The following CMIP variants were observed in gnomAD, a reference collection of about 807,000 sequenced individuals.
CMIP encodes c-Maf inducing protein.
CMIP carries 13 observed loss-of-function variants against 97.3 expected under a neutral mutation model. The ratio of observed to expected loss-of-function variants is 0.13; its 90% confidence interval spans 0.09 to 0.21. CMIP has a LOEUF of 0.21. CMIP is among the 10% of genes least tolerant of loss of function. CMIP has a pLI of 1.00. For missense variants in CMIP, 847 were observed against 1,024.9 expected (o/e 0.83, Z 2.37); for synonymous variants, 538 against 436.3 (o/e 1.23, Z -2.91).
intron 1 of CMIP, among the ~76,000 whole-genome samples, chr16:81,529,457 A>T (rs540358335): frequency 6.6e-6 from 1 of 152,080 alleles, no homozygotes; most frequent in Non-Finnish European, 1.5e-5. Flanking sequence ...CTTCGAGGAG[A>T]TGGGCTGTGA....
At chr16:81,561,779 A>C (rs867226187) in intron 1 of CMIP, among the ~76,000 whole-genome samples, 1 of 152,224 alleles carries the variant, frequency 6.6e-6, no homozygotes, top group South Asian at 2.1e-4. Flanking sequence ...ATTGGAATTT[A>C]AATTAATTGA....
intron 14 of CMIP, 106 bp from the exon 15 acceptor site, chr16:81,699,579 G>C (rs571412338): frequency 1.4e-6 from 1 of 694,386 alleles, no homozygotes; most frequent in African/African-American, 1.8e-5. Context: ...TCTGGACAGC[G>C]TGTAGGCAGG....
chr16:81,558,595 C>G (rs1314931138), intron 1 of CMIP, among the ~76,000 whole-genome samples: 3 of 152,184 alleles, frequency 2.0e-5, no homozygotes, highest in African/African-American at 7.2e-5. Context: ...GTGGAGACAG[C>G]CTGGCTTGGA....
chr16:81,561,757 G>C (rs986534896), intron 1 of CMIP, among the ~76,000 whole-genome samples: 2 of 152,318 alleles, frequency 1.3e-5, no homozygotes, highest in South Asian at 2.1e-4. Flanking sequence ...TAGCCACTGG[G>C]CATGTGTAGC....
rs1030651924 is a variant in CMIP, at chr16:81,671,980, C to G, written c.944C>G (p.Thr315Arg). Residue 315 changes from threonine to arginine, a missense_variant, in exon 9 of 21, where the codon ACA (threonine) becomes AGA (arginine). Thr to Arg is a moderately conservative substitution (Grantham distance 71, BLOSUM62 -1). Around this residue, in one of 4 missense-constraint regions of CMIP, gnomAD observed 285 missense variants for 392.2 expected, o/e 0.73. Transcript: ENST00000537098. The stretch of plus-strand genomic sequence containing the variant: ...CTTTTTTCCAGCATGCACGGCCCCA[C>G]AGGGCACTGCCCCCACCCCCGGGTC... ...KKFIQSMHGP[T>R]GHCPHPRVLP... is the part of the protein sequence containing the mutation. 4 of 1,588,522 alleles carry G rather than the reference C, an allele frequency of 2.5e-6. No homozygotes were observed. The highest frequency in any genetic ancestry group is 3.4e-6 in the Non-Finnish European group (4 of 1,165,064).
At chr16:81,533,892 C>G (rs1391660571) in intron 1 of CMIP, 2 of 152,316 alleles carry the variant, frequency 1.3e-5, no homozygotes, top group African/African-American at 4.8e-5. Flanking sequence ...CAGTGAACCT[C>G]TCCTGCCCTT....
At chr16:81,687,415 C>G (rs1475269231) in intron 10 of CMIP, among the ~76,000 whole-genome samples, 1 of 152,196 alleles carries the variant, frequency 6.6e-6, no homozygotes, top group African/African-American at 2.4e-5. Context: ...GTGCCCAGGC[C>G]TGGCTTAGGC....
At chr16:81,485,199 T>G (rs1036058997) in intron 1 of CMIP, among the ~76,000 whole-genome samples, 1 of 152,252 alleles carries the variant, frequency 6.6e-6, no homozygotes, top group Non-Finnish European at 1.5e-5. Context: ...GCTACTTTCC[T>G]GTTGATGGAC....
chr16:81,664,660 C>A lies in CMIP; in HGVS notation c.825+311C>A, dbSNP rs1408642158. The A allele has an allele frequency of 8.9e-6, 5 of 562,658 alleles. No homozygotes were observed. In the African/African-American group the frequency reaches 9.4e-5, roughly 11 times the overall value. The allele number at this position is 562,658 out of a possible 1,614,324, so 34.9% of individuals were successfully genotyped here. A position where few individuals can be genotyped will look rare whatever the true frequency, so the allele number is the denominator to read the frequency against. On this transcript the variant is annotated intron_variant, in intron 7 of 20. Coordinates refer to ENST00000537098, the MANE Select transcript of CMIP (RefSeq NM_198390.3). The stretch of plus-strand genomic sequence containing the variant: ...CTGTAGATGCCCTGCCCTCAAGGAC[C>A]CAGAGCGCGACTTTGCACTCCTTTA...
chr16:81,604,128 T>C (rs1465459513), intron 1 of CMIP, among the ~76,000 whole-genome samples: 4 of 152,060 alleles, frequency 2.6e-5, no homozygotes, highest in Non-Finnish European at 5.9e-5. Flanking sequence ...GTGTGGTGGC[T>C]CACGCCTGTA....
At chr16:81,641,044 C>T (rs903282154) in intron 3 of CMIP, among the ~76,000 whole-genome samples, 1 of 152,084 alleles carries the variant, frequency 6.6e-6, no homozygotes, top group Admixed American at 6.6e-5. Flanking sequence ...GGGTGAGAAC[C>T]TTGCTTCTTA....
intron 20 of CMIP, 39 bp from the exon 21 acceptor site, chr16:81,709,707 T>A (rs1302110912): frequency 6.2e-7 from 1 of 1,611,858 alleles, no homozygotes; most frequent in Middle Eastern, 1.7e-4. Flanking sequence ...TGCAAGGGAA[T>A]GGCCTACACG....
At chr16:81,468,268 G>A (rs1209412598) in intron 1 of CMIP, among the ~76,000 whole-genome samples, 1 of 152,216 alleles carries the variant, frequency 6.6e-6, no homozygotes, top group Non-Finnish European at 1.5e-5. Context: ...AAGATAAACT[G>A]TAAAGTGTGC....
chr16:81,551,169 ATG>A (rs2090649982), intron 1 of CMIP, among the ~76,000 whole-genome samples: 1 of 141,318 alleles, frequency 7.1e-6, no homozygotes, highest in Non-Finnish European at 1.5e-5. Flanking sequence ...TCCATCACAT[ATG>A]TCCCAGTTCT....
chr16:81,603,292 A>AGGAT (rs1173294911), intron 1 of CMIP: 1 of 421,944 alleles, frequency 2.4e-6, no homozygotes, highest in African/African-American at 2.1e-5. Flanking sequence ...CATGTTAGCC[A>AGGAT]GGATGGTCTC....
In CMIP at chr16:81,703,777, A is replaced by G. The variant is rs1394522898; in HGVS notation, c.1945-162A>G. 3.3e-6 allele frequency: 3 copies of G among 919,752 alleles called. No individual in the cohort carries two copies. In the East Asian group the frequency reaches 8.6e-5, roughly 26 times the overall value. 57.0% of individuals were successfully genotyped at this position (919,752 alleles called of 1,614,324 possible). The stretch of plus-strand genomic sequence containing the variant: ...CCCTCTCTGGCCACCCCCTTGGCCC[A>G]TCCCACCGAGCTGTGCCCCCATCTC... On this transcript the variant is annotated intron_variant, in intron 17 of 20. Transcript: ENST00000537098.
rs6145916 is a variant in CMIP, at chr16:81,648,784, GAAAAAAAAAAAAAAA to G, written c.478-3397_478-3383del. Among the ~76,000 whole-genome samples, 37 of 75,736 alleles carry G rather than the reference GAAAAAAAAAAAAAAA, an allele frequency of 4.9e-4. 1 individual carries two copies. Among genetic ancestry groups the G allele is most frequent in the South Asian group, 1.5e-3 (3 of 2,046 alleles). The allele number at this position is 75,736 out of a possible 152,430, so 49.7% of individuals were successfully genotyped here. A position where few individuals can be genotyped will look rare whatever the true frequency, so the allele number is the denominator to read the frequency against. ...AGTGACAGAGCAAGACTCTGTCTCAGAAAAAAAAAAAAAAAAAAAAAAAAAAAAAAAAAAAAGCCC... is the reference window on the plus strand; with the variant it reads ...AGTGACAGAGCAAGACTCTGTCTCAGAAAAAAAAAAAAAAAAAAAAAGCCC... On this transcript the variant is annotated intron_variant, in intron 3 of 20. Transcript: ENST00000537098.
chr16:81,497,035 G>A (rs2089504914), intron 1 of CMIP, among the ~76,000 whole-genome samples: 1 of 152,226 alleles, frequency 6.6e-6, no homozygotes, highest in African/African-American at 2.4e-5. Context: ...AGGGGTGTCC[G>A]GGCTGTGGGG....
At chr16:81,561,521 G>C (rs12920332) in intron 1 of CMIP, among the ~76,000 whole-genome samples, 60,435 of 151,968 alleles carry the variant, frequency 0.4, 15,044 homozygotes, top group Non-Finnish European at 0.54. Context: ...CAGGAAGCCA[G>C]TGGGGGCTAC....
Sources: gnomAD v4.1 joint callset for allele counts (sites outside exome capture counted in the v4.1 genomes callset) on GRCh38, gnomAD v4.1.1 for gene constraint, gnomAD v4.1.1 regional missense constraint, MANE v1.5 for transcripts, NCBI Gene and HGNC (gene_info 2026-07-23, HGNC 2026-07-21) for gene names.